The following ASMTL variants were observed in gnomAD, a reference collection of about 807,000 sequenced individuals.
ASMTL encodes probable bifunctional dTTP/UTP pyrophosphatase/methyltransferase protein.
In ASMTL, 57 loss-of-function variants were observed where a neutral mutation model predicts 60.3. The ratio of observed to expected loss-of-function variants is 0.95; its 90% CI spans 0.76 to 1.18. The LOEUF (loss-of-function observed/expected upper bound fraction) is 1.18. Ranked by LOEUF, ASMTL falls within the 50% of genes most tolerant of loss-of-function variation. The probability of loss-of-function intolerance (pLI) is 0.00; values close to 1 mark genes in which losing one functional copy is unlikely to be tolerated. For synonymous variants in ASMTL, 419 were observed against 373.0 expected, an observed-to-expected ratio of 1.12 and a Z score of -1.42; for missense variants, 981 against 852.6, an observed-to-expected ratio of 1.15 and a Z score of -1.88.
At chrX:1,414,797 G>T (rs1278054328) in intron 11 of ASMTL, among the ~76,000 whole-genome samples, 3 of 152,132 alleles carry the variant, frequency 2.0e-5, no homozygotes, top group African/African-American at 7.2e-5. Context: ...GAGCTGTAGG[G>T]TGGTTGCGTT....
rs181741507 is a variant in ASMTL, at chrX:1,445,923, T to C, written c.94-3606A>G. On this transcript the variant is annotated intron_variant, in intron 1 of 12. Coordinates refer to ENST00000381317, the MANE Select transcript of ASMTL (RefSeq NM_004192.4). ...ACGGGGTCACCAAAGGGAGTCTCCCTTTCCCTGGGGGGGTTTAGAGAAGAC... is the reference window on the plus strand; with the variant it reads ...ACGGGGTCACCAAAGGGAGTCTCCCCTTCCCTGGGGGGGTTTAGAGAAGAC... Among the ~76,000 whole-genome samples, 26 of 152,104 alleles carry C rather than the reference T, an allele frequency of 1.7e-4. No homozygotes were observed. In the East Asian group the frequency reaches 5.0e-3, roughly 30 times the overall value.
intron 5 of ASMTL, among the ~76,000 whole-genome samples, chrX:1,432,856 G>C (rs2090840722): frequency 1.3e-5 from 2 of 152,304 alleles, no homozygotes; most frequent in Non-Finnish European, 2.9e-5. Context: ...ACAGCAGTTT[G>C]GGCGGCCGAG....
chrX:1,441,620 C>G (rs769640290), intron 2 of ASMTL: 4 of 152,514 alleles, frequency 2.6e-5, no homozygotes, highest in Non-Finnish European at 5.9e-5. Context: ...TACATTAATT[C>G]TATATCATAA....
rs775982604 is a variant in ASMTL at position 1,449,613 on chromosome X, T to C, written c.93+3135A>G. The stretch of plus-strand genomic sequence containing the variant: ...CTACCCTACCATCACCAGTAACTTC[T>C]CTGCCATCACCAGTAACTACCTCAC... On this transcript the variant is annotated intron_variant, in intron 1 of 12. Coordinates refer to ENST00000381317, the MANE Select transcript of ASMTL (RefSeq NM_004192.4). Among the ~76,000 whole-genome samples the C allele has an allele frequency of 6.0e-5, 9 of 150,576 alleles. No homozygotes were observed. In the South Asian group the frequency reaches 1.9e-3, roughly 32 times the overall value.
intron 4 of ASMTL, 25 bp from the exon 5 acceptor site, chrX:1,435,108 C>T (rs1180554644): frequency 9.9e-6 from 16 of 1,613,328 alleles, no homozygotes; most frequent in East Asian, 2.2e-5. Flanking sequence ...CGGGTGACCA[C>T]GTGACCATGC....
At chrX:1,448,025 G>C (rs2091266648) in intron 1 of ASMTL, among the ~76,000 whole-genome samples, 1 of 148,354 alleles carries the variant, frequency 6.7e-6, no homozygotes, top group Non-Finnish European at 1.5e-5. Flanking sequence ...ACACCATCTT[G>C]GACACACACC....
At chrX:1,452,240 C>A (rs2091413686) in intron 1 of ASMTL, among the ~76,000 whole-genome samples, 2 of 150,884 alleles carry the variant, frequency 1.3e-5, no homozygotes, top group African/African-American at 4.9e-5. Flanking sequence ...TCTCCTCTCC[C>A]CCATCCCTAG....
rs1292226120 is a variant in ASMTL at position 1,403,182 on chromosome X, T to C, written c.*87A>G. The C allele has an allele frequency of 9.2e-7, 1 of 1,090,502 alleles. No homozygotes were observed. Among genetic ancestry groups the C allele is most frequent in the Non-Finnish European group, 1.4e-6 (1 of 717,720 alleles). 67.6% of individuals were successfully genotyped at this position (1,090,502 alleles called of 1,614,324 possible). ...ATTCAGTCACGACTACACGCTCCTA[T>C]GTGACTGTCCTATGGTACTTGGGGA... On this transcript the variant is annotated 3_prime_UTR_variant, in exon 13 of 13. Transcript: ENST00000381317.
chrX:1,429,990 G>A (rs1276427486), intron 6 of ASMTL, among the ~76,000 whole-genome samples: 16 of 151,730 alleles, frequency 1.1e-4, no homozygotes, highest in Admixed American at 8.6e-4. Flanking sequence ...AGGCTGTAAA[G>A]AGCCTTGAAC....
chrX:1,420,884 C>T (rs2090467814), intron 9 of ASMTL, among the ~76,000 whole-genome samples: 1 of 152,134 alleles, frequency 6.6e-6, no homozygotes, highest in Non-Finnish European at 1.5e-5. Flanking sequence ...CAGCCTTGAC[C>T]TCCCAGGTTC....
Position 1,416,754 on chromosome X carries a change from CACAG to C in ASMTL, c.1522+1215_1522+1218del, listed in dbSNP as rs2090291517. ...TACCACACACAGTCAGTCATGCACA[CACAG>C]ACACATGCACACACAGACGTACACA... On this transcript the variant is annotated intron_variant, in intron 11 of 12. Coordinates refer to ENST00000381317, the MANE Select transcript of ASMTL (RefSeq NM_004192.4). Among the ~76,000 whole-genome samples, 5 of 128,612 alleles carry C rather than the reference CACAG, an allele frequency of 3.9e-5. No homozygotes were observed. The East Asian group carries it at 1.2e-3, about 31-fold the overall frequency. 84.4% of individuals were successfully genotyped at this position (128,612 alleles called of 152,430 possible). A position where few individuals can be genotyped will look rare whatever the true frequency, so the allele number is the denominator to read the frequency against.
chrX:1,424,515 T>C (rs2090561010), intron 8 of ASMTL, among the ~76,000 whole-genome samples: 1 of 146,342 alleles, frequency 6.8e-6, no homozygotes, highest in Non-Finnish European at 1.5e-5. Flanking sequence ...TATCCACACA[T>C]CTATCCACTC....
At chrX:1,426,713 C>A (rs1258277323) in intron 7 of ASMTL, among the ~76,000 whole-genome samples, 2 of 152,140 alleles carry the variant, frequency 1.3e-5, no homozygotes, top group African/African-American at 4.8e-5. Context: ...ATTAGCCGGG[C>A]TTGGTGGTGG....
chrX:1,405,716 T>G (rs1247843718), intron 12 of ASMTL, among the ~76,000 whole-genome samples: 58 of 113,188 alleles, frequency 5.1e-4, no homozygotes, highest in African/African-American at 8.7e-4. Flanking sequence ...TGGATGGATA[T>G]ATGGATGTAT....
At chrX:1,413,658 T>C (rs1332712331) in intron 11 of ASMTL, 1 of 152,324 alleles carries the variant, frequency 6.6e-6, no homozygotes, top group Non-Finnish European at 1.5e-5. Flanking sequence ...TGGGACCTTA[T>C]CTGGAAATAG....
intron 6 of ASMTL, chrX:1,431,976 T>C (rs1262348147): frequency 2.8e-5 from 13 of 469,894 alleles, no homozygotes; most frequent in Non-Finnish European, 3.5e-5. Context: ...GGTCTCCTCC[T>C]CCCACCACGT....
At chrX:1,427,037 CGTAA>C (rs1316397386) in intron 7 of ASMTL, among the ~76,000 whole-genome samples, 8 of 151,918 alleles carry the variant, frequency 5.3e-5, no homozygotes, top group Admixed American at 5.2e-4. Flanking sequence ...TCTTTGCAGA[CGTAA>C]GTAAGCTAGG....
intron 1 of ASMTL, among the ~76,000 whole-genome samples, chrX:1,452,030 T>C (rs1485593682): frequency 1.7e-5 from 2 of 116,880 alleles, no homozygotes; most frequent in Non-Finnish European, 3.5e-5. Flanking sequence ...TCCAACCCCA[T>C]CCCTAAGGTG....
At chrX:1,433,144 G>T (rs181098000) in intron 5 of ASMTL, among the ~76,000 whole-genome samples, 2 of 151,894 alleles carry the variant, frequency 1.3e-5, no homozygotes, top group Non-Finnish European at 2.9e-5. Context: ...TGTGCCTCAG[G>T]GTCCGGACAC....
Sources: gnomAD v4.1 joint callset for allele counts (sites outside exome capture counted in the v4.1 genomes callset) on GRCh38, gnomAD v4.1.1 for gene constraint, MANE v1.5 for transcripts, NCBI Gene and HGNC (gene_info 2026-07-23, HGNC 2026-07-21) for gene names.